The following AGBL3 variants were observed in gnomAD, a reference collection of about 807,000 sequenced individuals.
AGBL3 encodes the protein cytosolic carboxypeptidase 3.
In AGBL3, 68 loss-of-function variants were observed where a neutral mutation model predicts 94.5. The ratio of observed to expected loss-of-function variants is 0.72; its 90% confidence interval spans 0.59 to 0.88. The LOEUF (loss-of-function observed/expected upper bound fraction) is 0.88. AGBL3 is among the 40% of genes least tolerant of loss of function. The probability of loss-of-function intolerance (pLI) is 0.00; values close to 1 mark genes in which losing one functional copy is unlikely to be tolerated. For synonymous variants in AGBL3, 354 were observed against 370.7 expected (o/e 0.95, Z 0.52); for missense variants, 934 against 1,103.8 (o/e 0.85, Z 2.18).
At chr7:135,042,433 T>C (rs1231370546) in intron 8 of AGBL3, among the ~76,000 whole-genome samples, 1 of 152,214 alleles carries the variant, frequency 6.6e-6, no homozygotes, top group Non-Finnish European at 1.5e-5. Flanking sequence ...GATTACATTC[T>C]ATATGATTCC....
intron 4 of AGBL3, among the ~76,000 whole-genome samples, chr7:134,997,128 ATTAG>A (rs1428402907): frequency 1.3e-5 from 2 of 152,304 alleles, no homozygotes; most frequent in African/African-American, 4.8e-5. Context: ...AGCATCAGGC[ATTAG>A]TTAGATTCTC....
chr7:135,040,499 A>T (rs145574815), intron 8 of AGBL3, among the ~76,000 whole-genome samples: 324 of 152,296 alleles, frequency 2.1e-3, no homozygotes, highest in African/African-American at 7.1e-3. Context: ...CCACTATGTT[A>T]AGAGTTGAAA....
rs551859621 is a variant in AGBL3 at position 134,991,828 on chromosome 7, AAAAG to A, written c.125-1663_125-1660del. ...CCAAACTTTAGTAAACAGAAAAAAAAAAAGACTCAGTTTCTATCTGAGATTTAGC... is the reference window on the plus strand; with the variant it reads ...CCAAACTTTAGTAAACAGAAAAAAAAACTCAGTTTCTATCTGAGATTTAGC... On this transcript the variant is annotated intron_variant, in intron 3 of 16. Coordinates refer to ENST00000436302, the MANE Select transcript of AGBL3 (RefSeq NM_178563.4). Among the ~76,000 whole-genome samples, 78 of 152,252 alleles carry A rather than the reference AAAAG, an allele frequency of 5.1e-4. 1 individual carries two copies. The highest frequency in any genetic ancestry group is 1.7e-3 in the African/African-American group (69 of 41,518).
Position 135,017,143 on chromosome 7 carries a change from TTATC to T in AGBL3, c.405_408del (p.Tyr135Ter). The T allele has an allele frequency of 6.5e-7, 1 of 1,545,620 alleles. No homozygotes were observed. Among genetic ancestry groups the T allele is most frequent in the Non-Finnish European group, 8.8e-7 (1 of 1,141,044 alleles). On this transcript the variant is annotated frameshift_variant, in exon 5 of 17. Transcript: ENST00000436302. LOFTEE classifies it high-confidence loss of function. ...CAGACTCCAAGGAAGCTACTGTGGTTTATCTAGCTGAAGATGGTGAGCACATAAT... is the reference window on the plus strand; with the variant it reads ...CAGACTCCAAGGAAGCTACTGTGGTTTAGCTGAAGATGGTGAGCACATAAT...
At chr7:135,100,283 C>T (rs10808281) in intron 15 of AGBL3, among the ~76,000 whole-genome samples, 145,370 of 152,160 alleles carry the variant, frequency 0.96, 69,757 homozygotes, top group East Asian at 1. Flanking sequence ...ATTGCAGCAA[C>T]TGGAGCACTG....
intron 8 of AGBL3, among the ~76,000 whole-genome samples, chr7:135,043,446 G>A (rs1817055290): frequency 6.6e-6 from 1 of 152,148 alleles, no homozygotes; most frequent in Non-Finnish European, 1.5e-5. Context: ...GTTACTAGAA[G>A]CTAGGAAAGG....
At chr7:135,130,720 C>T (rs560970959) in intron 16 of AGBL3, among the ~76,000 whole-genome samples, 9 of 152,126 alleles carry the variant, frequency 5.9e-5, no homozygotes, top group Non-Finnish European at 1.3e-4. Context: ...GTCTATACCA[C>T]TGTAGTTCCA....
At chr7:135,111,208 T>C (rs1356113624) in intron 15 of AGBL3, among the ~76,000 whole-genome samples, 1 of 152,182 alleles carries the variant, frequency 6.6e-6, no homozygotes, top group Non-Finnish European at 1.5e-5. Context: ...TTAAGGTTAA[T>C]TCATTCAGCA....
chr7:135,106,403 A>G (rs1029535029), intron 15 of AGBL3, among the ~76,000 whole-genome samples: 2 of 152,156 alleles, frequency 1.3e-5, no homozygotes, highest in Admixed American at 1.3e-4. Flanking sequence ...ATACTAGTTT[A>G]TTGAGAGTTT....
At chr7:135,049,780 T>A (rs1817707275) in intron 11 of AGBL3, among the ~76,000 whole-genome samples, 1 of 151,842 alleles carries the variant, frequency 6.6e-6, no homozygotes, top group Admixed American at 6.6e-5. Context: ...TCATTTTTTA[T>A]TTTATTTGAG....
At chr7:135,064,639 A>G (rs1215857998) in intron 12 of AGBL3, among the ~76,000 whole-genome samples, 1 of 152,242 alleles carries the variant, frequency 6.6e-6, no homozygotes, top group Non-Finnish European at 1.5e-5. Flanking sequence ...TGACATGTTT[A>G]TAAGATTGAA....
chr7:135,065,727 AC>A (rs1257826125), intron 12 of AGBL3, among the ~76,000 whole-genome samples: 1 of 152,188 alleles, frequency 6.6e-6, no homozygotes, highest in Non-Finnish European at 1.5e-5. Flanking sequence ...CCCCACCTCT[AC>A]AAAAAATAAG....
intron 8 of AGBL3, among the ~76,000 whole-genome samples, chr7:135,040,665 A>C (rs1251323327): frequency 6.6e-6 from 1 of 152,196 alleles, no homozygotes; most frequent in Non-Finnish European, 1.5e-5. Context: ...TCTACAGCTA[A>C]CAACATAGTT....
At chr7:135,023,686 C>G (rs1814762838) in intron 5 of AGBL3, among the ~76,000 whole-genome samples, 1 of 152,154 alleles carries the variant, frequency 6.6e-6, no homozygotes. Context: ...ACTACAGGGT[C>G]AAGAGAGAGC....
intron 5 of AGBL3, among the ~76,000 whole-genome samples, chr7:135,025,762 A>C (rs1385349283): frequency 6.6e-6 from 1 of 151,672 alleles, no homozygotes; most frequent in Admixed American, 6.6e-5. Context: ...CCAGGCAAAC[A>C]GAAAACAAAA....
intron 12 of AGBL3, among the ~76,000 whole-genome samples, chr7:135,074,497 T>A (rs368875646): frequency 3.4e-4 from 52 of 152,278 alleles, no homozygotes; most frequent in Admixed American, 7.8e-4. Context: ...TTCAAAAAAA[T>A]TTTAAACAAT....
chr7:135,046,756 C>T (rs184025981), intron 11 of AGBL3, among the ~76,000 whole-genome samples: 1 of 152,112 alleles, frequency 6.6e-6, no homozygotes, highest in Non-Finnish European at 1.5e-5. Context: ...CAAGTTTTGG[C>T]AATTATAAAT....
intron 4 of AGBL3, among the ~76,000 whole-genome samples, chr7:134,994,743 GAGAA>G (rs1810767121): frequency 6.6e-6 from 1 of 152,200 alleles, no homozygotes; most frequent in Non-Finnish European, 1.5e-5. Context: ...GGTGGAGAGA[GAGAA>G]AGAACACTGA....
chr7:135,096,084 G>A lies in AGBL3; in HGVS notation c.2110+14294G>A, dbSNP rs142645659. ...GGAGAATTGCTTGAACCTGGGAGGCGGAGGTTGCAGTGAGCTGAGATCATG... is the reference window on the plus strand; with the variant it reads ...GGAGAATTGCTTGAACCTGGGAGGCAGAGGTTGCAGTGAGCTGAGATCATG... On this transcript the variant is annotated intron_variant, in intron 15 of 16. Coordinates refer to ENST00000436302, the MANE Select transcript of AGBL3 (RefSeq NM_178563.4). 6.9e-3 allele frequency among the ~76,000 whole-genome samples: 1,045 copies of A among 151,972 alleles called. 7 individuals carry two copies. Among genetic ancestry groups the A allele is most frequent in the African/African-American group, 0.024 (983 of 41,434 alleles).
Sources: gnomAD v4.1 joint callset for allele counts (sites outside exome capture counted in the v4.1 genomes callset) on GRCh38, gnomAD v4.1.1 for gene constraint, MANE v1.5 for transcripts, NCBI Gene and HGNC (gene_info 2026-07-23, HGNC 2026-07-21) for gene names.